ABCC4: variants seen among roughly 807,000 people sequenced by gnomAD.
ABCC4 encodes the protein ATP binding cassette subfamily C member 4 (PEL blood group).
A neutral mutation model predicts 168.5 loss-of-function variants in ABCC4; 102 were observed. That is an observed-to-expected ratio of 0.61 (90% CI 0.52 to 0.71). ABCC4 has a LOEUF of 0.71. Among genes scored for constraint, ABCC4 ranks in the 30% least tolerant of loss-of-function variants. ABCC4 has a pLI of 0.00. For missense variants in ABCC4, 1,402 were observed against 1,605.8 expected (o/e 0.87, Z 2.17); for synonymous variants, 617 against 590.7 (o/e 1.04, Z -0.65).
chr13:95,029,205 TATATATATAGAGAGAGAG>T (rs2031721722), intron 30 of ABCC4, among the ~76,000 whole-genome samples: 2 of 53,612 alleles, frequency 3.7e-5, no homozygotes, highest in African/African-American at 1.4e-4. Flanking sequence ...TATATATATA[TATATATATAGAGAGAGAG>T]AGAGAGAGAG....
intron 19 of ABCC4, among the ~76,000 whole-genome samples, chr13:95,125,477 C>T (rs2035725840): frequency 6.6e-6 from 1 of 152,106 alleles, no homozygotes; most frequent in African/African-American, 2.4e-5. Context: ...AATAACTCCA[C>T]CTCAGGATTA....
At chr13:95,050,452 C>A (rs149732331) in intron 27 of ABCC4, among the ~76,000 whole-genome samples, 1 of 152,284 alleles carries the variant, frequency 6.6e-6, no homozygotes, top group African/African-American at 2.4e-5. Context: ...GAAAAGAAAA[C>A]ACTCTCCTCC....
At chr13:95,205,724 G>A (rs1486594095) in intron 8 of ABCC4, among the ~76,000 whole-genome samples, 1 of 152,222 alleles carries the variant, frequency 6.6e-6, no homozygotes, top group African/African-American at 2.4e-5. Context: ...AGTGTTAAGA[G>A]GTGGGGCCTC....
intron 29 of ABCC4, among the ~76,000 whole-genome samples, chr13:95,036,336 A>G (rs1421111557): frequency 6.6e-6 from 1 of 152,196 alleles, no homozygotes; most frequent in Non-Finnish European, 1.5e-5. Context: ...GACTTTACAT[A>G]ATGTTTAATG....
chr13:95,167,445 T>C (rs1404945785), intron 14 of ABCC4, among the ~76,000 whole-genome samples: 1 of 152,152 alleles, frequency 6.6e-6, no homozygotes, highest in Non-Finnish European at 1.5e-5. Flanking sequence ...GAGCAGCTCC[T>C]GGCTAAGGCA....
chr13:95,257,122 C>T (rs2040411831), intron 1 of ABCC4, among the ~76,000 whole-genome samples: 1 of 152,176 alleles, frequency 6.6e-6, no homozygotes, highest in Non-Finnish European at 1.5e-5. Flanking sequence ...GGAAGCCTTA[C>T]CAGTAACATA....
At chr13:95,069,155 C>G (rs1037293740) in intron 25 of ABCC4, among the ~76,000 whole-genome samples, 1 of 152,180 alleles carries the variant, frequency 6.6e-6, no homozygotes, top group Non-Finnish European at 1.5e-5. Flanking sequence ...AAGAGCAGTT[C>G]CGAAAGTATC....
Position 95,202,133 on chromosome 13 carries a change from C to T in ABCC4, c.1161+4399G>A, listed in dbSNP as rs150922507. Among the ~76,000 whole-genome samples, 46 of 152,222 alleles carry T rather than the reference C, an allele frequency of 3.0e-4. No individual in the cohort carries two copies. In the East Asian group the frequency reaches 6.8e-3, roughly 22 times the overall value. ...ACTTTAAAATCCTACATAATGTCAG[C>T]GGGGCTCATCCAATCAGTTGAAGGC... On this transcript the variant is annotated intron_variant, in intron 8 of 30. Coordinates refer to ENST00000645237, the MANE Select transcript of ABCC4 (RefSeq NM_005845.5).
At chr13:95,039,119 G>A (rs1406759184) in intron 29 of ABCC4, among the ~76,000 whole-genome samples, 4 of 152,184 alleles carry the variant, frequency 2.6e-5, no homozygotes, top group African/African-American at 9.7e-5. Context: ...TATGCATGTT[G>A]AGTATACTTA....
At chr13:95,225,392 G>A (rs61965943) in intron 4 of ABCC4, among the ~76,000 whole-genome samples, 27,199 of 152,116 alleles carry the variant, frequency 0.18, 3,318 homozygotes, top group Non-Finnish European at 0.27. Context: ...ATTTATGGCC[G>A]GGCACAGTGG....
At chr13:95,170,990 C>T (rs551529836) in intron 13 of ABCC4, among the ~76,000 whole-genome samples, 24 of 152,056 alleles carry the variant, frequency 1.6e-4, no homozygotes, top group African/African-American at 2.2e-4. Context: ...GGTCACGTAA[C>T]GACGCGGCAT....
In ABCC4 at chr13:95,206,768, T is replaced by G. The variant is rs753929169; in HGVS notation, c.925A>C (p.Lys309Gln). 14 of 1,613,940 alleles carry G rather than the reference T, an allele frequency of 8.7e-6. No homozygotes were observed. Among genetic ancestry groups the G allele is most frequent in the Non-Finnish European group, 1.1e-5 (13 of 1,179,988 alleles). ...ITNLRKKEIS[K>Q]ILRSSCLRGM... ...CTGAGGCAGGAACTTCTCAGAATCT[T>G]GGAAATCTCCTTCCTGAAAGAGAGT... Residue 309 changes from lysine to glutamine, a missense_variant, in exon 8 of 31, where the codon AAG becomes CAG. By Grantham distance (53) the Lys-to-Gln change is moderately conservative (BLOSUM62 1). Around this residue, in one of 3 missense-constraint regions of ABCC4, gnomAD observed 78 missense variants for 133.0 expected, o/e 0.59. Coordinates refer to ENST00000645237, the MANE Select transcript of ABCC4 (RefSeq NM_005845.5).
intron 8 of ABCC4, among the ~76,000 whole-genome samples, chr13:95,196,669 G>A (rs2038452063): frequency 5.0e-5 from 2 of 40,234 alleles, no homozygotes; most frequent in Non-Finnish European, 1.0e-4. Flanking sequence ...AGGAAGGAAG[G>A]AAGGAAGGAA....
intron 1 of ABCC4, among the ~76,000 whole-genome samples, chr13:95,251,175 A>G (rs2040248476): frequency 6.6e-6 from 1 of 152,164 alleles, no homozygotes; most frequent in Non-Finnish European, 1.5e-5. Context: ...TTCAGTTTCT[A>G]TGAGCTTCAT....
chr13:95,093,513 C>T (rs2034500615), intron 20 of ABCC4, among the ~76,000 whole-genome samples: 1 of 152,104 alleles, frequency 6.6e-6, no homozygotes, highest in African/African-American at 2.4e-5. Context: ...TTAAAACTCT[C>T]AGCAAAATCG....
chr13:95,058,155 A>C (rs2033133418), intron 26 of ABCC4, among the ~76,000 whole-genome samples: 1 of 152,172 alleles, frequency 6.6e-6, no homozygotes, highest in South Asian at 2.1e-4. Context: ...AATAAAAATA[A>C]AAATAAAAAT....
intron 20 of ABCC4, among the ~76,000 whole-genome samples, chr13:95,101,341 A>G (rs1465408248): frequency 6.6e-6 from 1 of 150,632 alleles, no homozygotes; most frequent in Non-Finnish European, 1.5e-5. Flanking sequence ...ATTTAAGCTC[A>G]GTCAAGCTGC....
At chr13:95,021,958 A>C (rs551983049) in intron 30 of ABCC4, among the ~76,000 whole-genome samples, 10 of 152,314 alleles carry the variant, frequency 6.6e-5, no homozygotes, top group African/African-American at 2.2e-4. Flanking sequence ...TAAATTGATA[A>C]GCGGAATCAT....
chr13:95,131,578 G>A (rs1388272408), intron 19 of ABCC4, among the ~76,000 whole-genome samples: 4 of 152,066 alleles, frequency 2.6e-5, no homozygotes, highest in East Asian at 1.9e-4. Flanking sequence ...ACAGTGAGCC[G>A]AGATCGCACC....
Sources: gnomAD v4.1 joint callset for allele counts (sites outside exome capture counted in the v4.1 genomes callset) on GRCh38, gnomAD v4.1.1 for gene constraint, gnomAD v4.1.1 regional missense constraint, MANE v1.5 for transcripts, NCBI Gene and HGNC (gene_info 2026-07-23, HGNC 2026-07-21) for gene names.